ABCA4: variants seen among roughly 807,000 people sequenced by gnomAD.
ABCA4 encodes ATP binding cassette subfamily A member 4.
Under a neutral mutation model 263.7 loss-of-function variants are expected in ABCA4, and 196 were observed. The ratio of observed to expected loss-of-function variants is 0.74; its 90% confidence interval spans 0.66 to 0.84. The LOEUF (loss-of-function observed/expected upper bound fraction) is 0.84. ABCA4 is among the 40% of genes least tolerant of loss of function. The pLI, the probability that ABCA4 is intolerant of heterozygous loss-of-function variation, is 0.00. For synonymous variants in ABCA4, 1,133 were observed against 1,094.2 expected (o/e 1.04, Z -0.70); for missense variants, 2,792 against 2,855.1 (o/e 0.98, Z 0.50).
intron 36 of ABCA4, among the ~76,000 whole-genome samples, chr1:94,018,195 GT>G (rs1358011964): frequency 1.3e-5 from 2 of 149,250 alleles, no homozygotes; most frequent in African/African-American, 4.9e-5. Context: ...GCACACGCGC[GT>G]GCGTGCACAC....
intron 27 of ABCA4, 25 bp downstream of exon 27, chr1:94,031,753 G>C (rs1571265076): frequency 3.1e-6 from 5 of 1,612,676 alleles, no homozygotes; most frequent in Non-Finnish European, 4.2e-6. Context: ...ACTGAGCTCA[G>C]CTAAACACCG....
intron 4 of ABCA4, among the ~76,000 whole-genome samples, chr1:94,107,262 C>T (rs905001808): frequency 6.6e-6 from 1 of 152,194 alleles, no homozygotes; most frequent in East Asian, 1.9e-4. Context: ...CAGCTGCTTT[C>T]GTGGCCTCTG....
chr1:94,078,739 G>A (rs756973480), intron 9 of ABCA4, 33 bp from the exon 10 acceptor site: 8 of 1,462,316 alleles, frequency 5.5e-6, no homozygotes, highest in Admixed American at 1.7e-5. Flanking sequence ...ACAGAGACAC[G>A]AACAGAGAGA....
rs886044728 is a variant in ABCA4, at chr1:94,063,153, C to T, written c.1719G>A (p.Met573Ile). The change falls in exon 12 of 50, where the codon ATG becomes ATA. Residue 573 changes from methionine to isoleucine, a missense_variant. Transcript: ENST00000370225. Reference sequence around the variant, plus strand: ...TGGTTTTCTCCACCACGTCTATGTCCATTCGGATCTTATACTTCACGTGGG... The same window carrying T: ...TGGTTTTCTCCACCACGTCTATGTCTATTCGGATCTTATACTTCACGTGGG... Reference protein sequence around the residue: ...LPPHVKYKIRMDIDVVEKTNK... With the variant: ...LPPHVKYKIRIDIDVVEKTNK... The T allele has an allele frequency of 6.2e-7, 1 of 1,614,116 alleles. No individual in the cohort carries two copies. The highest frequency in any genetic ancestry group is 8.5e-7 in the Non-Finnish European group (1 of 1,180,024).
chr1:94,041,839 T>C (rs1483925139), intron 22 of ABCA4, among the ~76,000 whole-genome samples: 1 of 152,162 alleles, frequency 6.6e-6, no homozygotes, highest in South Asian at 2.1e-4. Flanking sequence ...CTCATGCCTG[T>C]AATCCCAGCA....
chr1:94,050,073 C>G (rs1203972641), intron 17 of ABCA4, among the ~76,000 whole-genome samples: 7 of 152,180 alleles, frequency 4.6e-5, no homozygotes, highest in African/African-American at 1.7e-4. Flanking sequence ...CTCTGTCCCC[C>G]ACCCTCTGAA....
intron 11 of ABCA4, 148 bp from the exon 12 acceptor site, chr1:94,063,465 C>T (rs1661184859): frequency 4.8e-6 from 4 of 827,820 alleles, no homozygotes; most frequent in South Asian, 4.3e-5. Context: ...TGCTTAACTC[C>T]AGAGTCTGGT....
Position 94,103,147 on chromosome 1 carries a change from A to G in ABCA4, c.443-5T>C, listed in dbSNP as rs918493891. On this transcript the variant is annotated splice_region_variant and splice_polypyrimidine_tract_variant and intron_variant, in intron 4 of 49. Coordinates refer to ENST00000370225, the MANE Select transcript of ABCA4 (RefSeq NM_000350.3). ...CCCTTATTCGTATTCCTCTTCCTAC[A>G]TATGAATAAGAGAAAGAACAGGGTG... 6.2e-7 allele frequency: 1 copy of G among 1,613,842 alleles called. No homozygotes were observed. Among genetic ancestry groups the G allele is most frequent in the Non-Finnish European group, 8.5e-7 (1 of 1,179,834 alleles).
intron 43 of ABCA4, 25 bp from the exon 44 acceptor site, chr1:94,005,607 A>C: frequency 6.2e-7 from 1 of 1,611,854 alleles, no homozygotes; most frequent in South Asian, 1.1e-5. Flanking sequence ...GCAATTACTG[A>C]GTATCCTTCA....
At chr1:94,044,927 G>A (rs546004200) in intron 19 of ABCA4, among the ~76,000 whole-genome samples, 183 bp from the exon 20 acceptor site, 17 of 152,320 alleles carry the variant, frequency 1.1e-4, no homozygotes, top group African/African-American at 3.8e-4. Context: ...AGGCCCTAAT[G>A]CAGAGGGCCA....
intron 17 of ABCA4, among the ~76,000 whole-genome samples, chr1:94,049,538 C>T (rs753821562): frequency 3.3e-5 from 5 of 152,094 alleles, no homozygotes; most frequent in Non-Finnish European, 7.4e-5. Context: ...GCAGGAGAAT[C>T]GCTTGAACCC....
intron 24 of ABCA4, among the ~76,000 whole-genome samples, chr1:94,039,040 A>C (rs1660419779): frequency 1.3e-5 from 2 of 152,254 alleles, no homozygotes; most frequent in Non-Finnish European, 2.9e-5. Context: ...AATCACAGTA[A>C]CTTAACATAT....
intron 19 of ABCA4, among the ~76,000 whole-genome samples, chr1:94,045,479 T>C (rs1027160676): frequency 6.6e-6 from 1 of 152,164 alleles, no homozygotes; most frequent in African/African-American, 2.4e-5. Context: ...TTTTAACCCC[T>C]GGGGGAAGTT....
intron 30 of ABCA4, among the ~76,000 whole-genome samples, chr1:94,029,228 G>A (rs910597749): frequency 6.6e-6 from 1 of 152,138 alleles, no homozygotes; most frequent in Non-Finnish European, 1.5e-5. Flanking sequence ...GAAGTATCTG[G>A]TGGAAAATGA....
chr1:94,117,158 C>A lies in ABCA4; in HGVS notation c.66+3822G>T, dbSNP rs575306092. ...GGAGGAGGGGTTTCTGGCAAGGGCACAGTTGTGCTTGTTGTTTTAGAACTG... is the reference window on the plus strand; with the variant it reads ...GGAGGAGGGGTTTCTGGCAAGGGCAAAGTTGTGCTTGTTGTTTTAGAACTG... On this transcript the variant is annotated intron_variant, in intron 1 of 49. Transcript: ENST00000370225. Among the ~76,000 whole-genome samples the A allele has an allele frequency of 5.9e-5, 9 of 151,866 alleles. No homozygotes were observed. The South Asian group carries it at 1.9e-3, about 32-fold the overall frequency.
intron 26 of ABCA4, among the ~76,000 whole-genome samples, chr1:94,034,252 G>A (rs1000870613): frequency 1.3e-5 from 2 of 152,174 alleles, no homozygotes; most frequent in African/African-American, 4.8e-5. Flanking sequence ...ATGAAGGGCT[G>A]CAGAAGCTTA....
rs558416489 is a variant in ABCA4, at chr1:94,053,772, GT to G, written c.2587+1338del. Reference sequence around the variant, plus strand: ...AAATGGCTGTTGTCTAAGCTGCCCAGTTAGTGGTATTTTGTTATGGCAGCCC... The same window carrying G: ...AAATGGCTGTTGTCTAAGCTGCCCAGTAGTGGTATTTTGTTATGGCAGCCC... On this transcript the variant is annotated intron_variant, in intron 16 of 49. Coordinates refer to ENST00000370225, the MANE Select transcript of ABCA4 (RefSeq NM_000350.3). Among the ~76,000 whole-genome samples, 158 of 152,362 alleles carry G rather than the reference GT, an allele frequency of 1.0e-3. 1 individual carries two copies. Among genetic ancestry groups the G allele is most frequent in the Middle Eastern group, 6.8e-3 (2 of 294 alleles).
At chr1:94,100,555 G>A (rs961832664) in intron 5 of ABCA4, among the ~76,000 whole-genome samples, 17 of 152,164 alleles carry the variant, frequency 1.1e-4, no homozygotes, top group Non-Finnish European at 2.1e-4. Context: ...AAAGAAGGGT[G>A]GGTTTATAAA....
At chr1:94,047,161 C>A in intron 18 of ABCA4, 68 bp from the exon 19 acceptor site, 2 of 1,568,408 alleles carry the variant, frequency 1.3e-6, no homozygotes, top group African/African-American at 2.7e-5. Flanking sequence ...GGCTCTGTCT[C>A]CAGGCCCTTG....
Sources: allele counts gnomAD v4.1 joint callset (sites outside exome capture counted in the v4.1 genomes callset), GRCh38; gene constraint gnomAD v4.1.1; transcripts MANE v1.5; gene names NCBI Gene and HGNC (gene_info 2026-07-23, HGNC 2026-07-21).